ARHGAP28: variants seen among roughly 807,000 people sequenced by gnomAD.
ARHGAP28 encodes the protein rho GTPase-activating protein 28.
In ARHGAP28, 56 loss-of-function variants were observed where a neutral mutation model predicts 90.7. The observed-to-expected ratio is 0.62, with a 90% CI of 0.50 to 0.77. The LOEUF (loss-of-function observed/expected upper bound fraction) is 0.77. Ranked by LOEUF, ARHGAP28 falls within the 30% of genes least tolerant of loss-of-function variation. ARHGAP28 has a pLI of 0.00. For missense variants in ARHGAP28, 869 were observed against 900.9 expected, an observed-to-expected ratio of 0.96 and a Z score of 0.45; for synonymous variants, 308 against 323.3, an observed-to-expected ratio of 0.95 and a Z score of 0.51.
intron 3 of ARHGAP28, among the ~76,000 whole-genome samples, chr18:6,840,446 G>A (rs1436626400): frequency 6.6e-6 from 1 of 152,192 alleles, no homozygotes; most frequent in Non-Finnish European, 1.5e-5. Context: ...AAAACAGCAA[G>A]GTAAAGGGTA....
chr18:6,739,645 T>TTCTC (rs138884918), intron 1 of ARHGAP28, among the ~76,000 whole-genome samples: 58,235 of 144,820 alleles, frequency 0.4, 12,749 homozygotes, highest in East Asian at 0.53. Context: ...TGACTAAGCT[T>TTCTC]TCTCTCTCTC....
intron 1 of ARHGAP28, among the ~76,000 whole-genome samples, chr18:6,792,209 G>A (rs542456066): frequency 6.6e-6 from 1 of 152,280 alleles, no homozygotes; most frequent in Admixed American, 6.5e-5. Context: ...GTAACTGATG[G>A]AGGTGTATGT....
At position 6,808,932 on chromosome 18, in the gene ARHGAP28, A is replaced by G. The variant is rs890960110; in HGVS notation, c.123-15830A>G. On this transcript the variant is annotated intron_variant, in intron 1 of 17. Coordinates refer to ENST00000383472, the MANE Select transcript of ARHGAP28 (RefSeq NM_001366230.1). ...TGGGCATTCAGCCAGAGTCAAGGGG[A>G]CCCCCATGCCAATTCCTAAAGCAAT... 9.2e-5 allele frequency among the ~76,000 whole-genome samples: 14 copies of G among 152,146 alleles called. 1 individual carries two copies. The highest frequency in any genetic ancestry group is 6.5e-4 in the Admixed American group (10 of 15,280).
intron 3 of ARHGAP28, among the ~76,000 whole-genome samples, chr18:6,849,252 CAAAAAAAA>C (rs35080791): frequency 7.9e-5 from 7 of 88,250 alleles, no homozygotes; most frequent in African/African-American, 2.9e-4. Context: ...GACCTTGTCT[CAAAAAAAA>C]AAAAAAAAAA....
At chr18:6,878,034 C>T (rs957945632) in intron 10 of ARHGAP28, among the ~76,000 whole-genome samples, 2 of 151,866 alleles carry the variant, frequency 1.3e-5, no homozygotes, top group Non-Finnish European at 2.9e-5. Flanking sequence ...GTATAACATG[C>T]ATAATGCATA....
At chr18:6,859,109 TG>T (rs1269383619) in intron 4 of ARHGAP28, among the ~76,000 whole-genome samples, 1 of 152,190 alleles carries the variant, frequency 6.6e-6, no homozygotes, top group Non-Finnish European at 1.5e-5. Context: ...AAACAAAATT[TG>T]GTACTATTGC....
At chr18:6,730,188 G>A (rs4078265) in intron 1 of ARHGAP28, 166,293 of 321,944 alleles carry the variant, frequency 0.52, 43,733 homozygotes, top group South Asian at 0.69. Flanking sequence ...CAGCAGGATT[G>A]CATTCTTGAT....
intron 10 of ARHGAP28, 84 bp from the exon 11 acceptor site, chr18:6,882,053 T>C: frequency 7.5e-7 from 1 of 1,339,128 alleles, no homozygotes; most frequent in Non-Finnish European, 1.0e-6. Context: ...CAAAAACAGT[T>C]TATATAAGAA....
At position 6,813,555 on chromosome 18, in the gene ARHGAP28, G is replaced by A. The variant is rs2056571088; in HGVS notation, c.123-11207G>A. Reference sequence around the variant, plus strand: ...GATATATTTCTCAGCATATTTTATAGTAAAAATATACTCAATTTGATAACT... The same window carrying A: ...GATATATTTCTCAGCATATTTTATAATAAAAATATACTCAATTTGATAACT... On this transcript the variant is annotated intron_variant, in intron 1 of 17. Coordinates refer to ENST00000383472, the MANE Select transcript of ARHGAP28 (RefSeq NM_001366230.1). Among the ~76,000 whole-genome samples the A allele has an allele frequency of 2.0e-5, 3 of 152,052 alleles. No homozygotes were observed. The South Asian group carries it at 6.2e-4, about 32-fold the overall frequency.
At chr18:6,748,502 C>T (rs1305403937) in intron 1 of ARHGAP28, among the ~76,000 whole-genome samples, 1 of 152,134 alleles carries the variant, frequency 6.6e-6, no homozygotes, top group African/African-American at 2.4e-5. Flanking sequence ...CACTTCTGGG[C>T]AGCATTGCCA....
rs2143718814 is a variant in ARHGAP28 at position 6,889,973 on chromosome 18, C to T, written c.1622C>T (p.Pro541Leu). 5 of 1,614,124 alleles carry T rather than the reference C, an allele frequency of 3.1e-6. No homozygotes were observed. The highest frequency in any genetic ancestry group is 2.7e-5 in the African/African-American group (2 of 75,028). ...TGGAACATTTCTACAGTGATGGCAC[C>T]AAACCTTTTCTTCAGTAGAAGCAAA... is the stretch of plus-strand genomic sequence containing the variant. ...SLWNISTVMAPNLFFSRSKHS... is the reference protein window; with the variant it reads ...SLWNISTVMALNLFFSRSKHS... Residue 541 changes from proline to leucine, a missense_variant, in exon 13 of 18, where the codon CCA becomes CTA. Pro to Leu is a moderately conservative substitution (Grantham distance 98). Transcript: ENST00000383472.
intron 3 of ARHGAP28, among the ~76,000 whole-genome samples, chr18:6,844,681 A>G (rs552105779): frequency 1.1e-3 from 174 of 152,296 alleles, no homozygotes; most frequent in African/African-American, 3.9e-3. Flanking sequence ...ACTCTGGATA[A>G]AGAGGAGGTA....
intron 3 of ARHGAP28, among the ~76,000 whole-genome samples, chr18:6,843,327 T>C (rs1446383872): frequency 6.6e-6 from 1 of 152,184 alleles, no homozygotes; most frequent in African/African-American, 2.4e-5. Context: ...GGGAAGGGTC[T>C]GCCTGGCCTC....
chr18:6,803,955 A>C (rs1377478941), intron 1 of ARHGAP28, among the ~76,000 whole-genome samples: 4 of 151,706 alleles, frequency 2.6e-5, no homozygotes, highest in Non-Finnish European at 4.4e-5. Context: ...ATTTTTTTGT[A>C]TTTTTAGTAG....
chr18:6,906,932 G>C (rs1368412638), intron 16 of ARHGAP28, among the ~76,000 whole-genome samples: 1 of 151,948 alleles, frequency 6.6e-6, no homozygotes, highest in Non-Finnish European at 1.5e-5. Context: ...AAGTTCAACA[G>C]TTAAAAAAAC....
chr18:6,744,245 G>A (rs957012182), intron 1 of ARHGAP28, among the ~76,000 whole-genome samples: 18 of 152,148 alleles, frequency 1.2e-4, no homozygotes, highest in African/African-American at 4.3e-4. Flanking sequence ...AAGAGGCGTT[G>A]CAGCATGTAA....
At chr18:6,744,306 G>A (rs982664902) in intron 1 of ARHGAP28, among the ~76,000 whole-genome samples, 3 of 152,102 alleles carry the variant, frequency 2.0e-5, no homozygotes, top group African/African-American at 7.2e-5. Flanking sequence ...GAGGGTGGGA[G>A]AGTAGAGACC....
chr18:6,867,266 C>A (rs1458023066), intron 5 of ARHGAP28, among the ~76,000 whole-genome samples: 1 of 152,104 alleles, frequency 6.6e-6, no homozygotes, highest in Non-Finnish European at 1.5e-5. Flanking sequence ...AAAGACCTTT[C>A]ATGAAGCAGG....
intron 14 of ARHGAP28, among the ~76,000 whole-genome samples, chr18:6,893,871 T>G (rs1396358461): frequency 1.3e-5 from 2 of 148,948 alleles, no homozygotes; most frequent in African/African-American, 4.9e-5. Context: ...TTTTTGGTTT[T>G]TTTTTTTTTT....
Sources: gnomAD v4.1 joint callset for allele counts (sites outside exome capture counted in the v4.1 genomes callset) on GRCh38, gnomAD v4.1.1 for gene constraint, MANE v1.5 for transcripts, NCBI Gene and HGNC (gene_info 2026-07-23, HGNC 2026-07-21) for gene names.